Variants in LARGE1 observed in about 807,000 individuals in gnomAD.
LARGE1 encodes the protein xylosyl- and glucuronyltransferase LARGE1.
LARGE1 carries 43 observed loss-of-function variants against 87.6 expected under a neutral mutation model. The observed-to-expected ratio is 0.49, with a 90% CI of 0.38 to 0.63. The LOEUF (loss-of-function observed/expected upper bound fraction) is 0.63. LARGE1 is among the 30% of genes least tolerant of loss of function. The probability of loss-of-function intolerance (pLI) is 0.00; values close to 1 mark genes in which losing one functional copy is unlikely to be tolerated. For synonymous variants in LARGE1, 434 were observed against 394.6 expected, an observed-to-expected ratio of 1.10 and a Z score of -1.18; for missense variants, 802 against 1,000.2, an observed-to-expected ratio of 0.80 and a Z score of 2.67.
In LARGE1 at chr22:33,307,483, C is replaced by A. The variant is rs543999941; in HGVS notation, c.1452-2976G>T. Among the ~76,000 whole-genome samples the A allele has an allele frequency of 2.6e-5, 4 of 152,280 alleles. No individual in the cohort carries two copies. In the East Asian group the frequency reaches 7.7e-4, roughly 29 times the overall value. On this transcript the variant is annotated intron_variant, in intron 11 of 14. Transcript: ENST00000397394. ...TCTTCTCCCGGTGTCAATGCCTCCCCACTCTTTCCCCTCCTCAGTCCCTCT... is the reference window on the plus strand; with the variant it reads ...TCTTCTCCCGGTGTCAATGCCTCCCAACTCTTTCCCCTCCTCAGTCCCTCT...
chr22:33,874,446 C>G (rs922443321), intron 1 of LARGE1, among the ~76,000 whole-genome samples: 2 of 152,174 alleles, frequency 1.3e-5, no homozygotes, highest in African/African-American at 4.8e-5. Context: ...AACAGAAAGG[C>G]AATGTAACAC....
intron 7 of LARGE1, among the ~76,000 whole-genome samples, chr22:33,406,043 A>T (rs1262243536): frequency 7.9e-5 from 12 of 152,184 alleles, no homozygotes. Context: ...ATTCAATCCA[A>T]AGAACTTGGA....
rs933926654 is a variant in LARGE1, at chr22:33,308,297, C to T, written c.1452-3790G>A. ...GATGGGGAACTCACACCCACCAAGG[C>T]GGACCATTCTAATCTGGTGCACTGC... On this transcript the variant is annotated intron_variant, in intron 11 of 14. Transcript: ENST00000397394. 3.9e-5 allele frequency among the ~76,000 whole-genome samples: 6 copies of T among 152,106 alleles called. No individual in the cohort carries two copies. In the East Asian group the frequency reaches 7.7e-4, roughly 20 times the overall value.
chr22:33,860,114 T>C (rs2063869407), intron 1 of LARGE1, among the ~76,000 whole-genome samples: 1 of 152,106 alleles, frequency 6.6e-6, no homozygotes, highest in African/African-American at 2.4e-5. Context: ...GTCAATCTTA[T>C]GTGTATTTTA....
chr22:33,426,228 G>A (rs752386926), intron 7 of LARGE1, among the ~76,000 whole-genome samples: 72 of 152,182 alleles, frequency 4.7e-4, no homozygotes, highest in Admixed American at 6.5e-4. Context: ...TCTATTAGAC[G>A]ATAAACTTTT....
At position 33,637,745 on chromosome 22, in the gene LARGE1, T is replaced by C. The variant is rs145087255; in HGVS notation, c.409-11419A>G. Among the ~76,000 whole-genome samples the C allele has an allele frequency of 1.8e-3, 273 of 152,338 alleles. 1 individual carries two copies. The highest frequency in any genetic ancestry group is 6.2e-3 in the African/African-American group (259 of 41,582). On this transcript the variant is annotated intron_variant, in intron 3 of 14. Coordinates refer to ENST00000397394, the MANE Select transcript of LARGE1 (RefSeq NM_133642.5). ...CTTCAGCCCCAATCAAACCTTCAGA[T>C]GACTGCAACCCCTGATGTCATCTTA...
At chr22:33,665,194 T>C (rs763974313) in intron 2 of LARGE1, among the ~76,000 whole-genome samples, 2 of 152,212 alleles carry the variant, frequency 1.3e-5, no homozygotes, top group Non-Finnish European at 2.9e-5. Context: ...GGCCACAGTG[T>C]TTCTTTCACT....
rs1334527669 is a variant in LARGE1, at chr22:33,698,247, A to AT, written c.107-47580dup. 2.0e-5 allele frequency among the ~76,000 whole-genome samples: 3 copies of AT among 150,868 alleles called. No individual in the cohort carries two copies. In the South Asian group the frequency reaches 6.3e-4, roughly 32 times the overall value. ...GCCACCACGCTCGGCTAATTTTTGT[A>AT]TTTTTTTGTAGAGATGGGATTTTGA... On this transcript the variant is annotated intron_variant, in intron 2 of 14. Transcript: ENST00000397394.
At chr22:33,922,746 A>G (rs533605470), upstream of LARGE1, 1 of 152,352 alleles carries the variant, frequency 6.6e-6, no homozygotes, top group Non-Finnish European at 1.5e-5. Flanking sequence ...AGACCATTAA[A>G]GTGTCAAAGT....
At chr22:33,348,915 TTATGAA>T (rs1225522229) in intron 9 of LARGE1, among the ~76,000 whole-genome samples, 2 of 152,078 alleles carry the variant, frequency 1.3e-5, no homozygotes, top group South Asian at 2.1e-4. Flanking sequence ...GTTCTCTTGA[TTATGAA>T]TAAGTCTCAC....
intron 12 of LARGE1, among the ~76,000 whole-genome samples, chr22:33,303,717 G>T (rs527989538): frequency 2.6e-5 from 4 of 152,088 alleles, no homozygotes; most frequent in African/African-American, 4.8e-5. Context: ...CGACTCCCTG[G>T]TTCAAGAGAT....
chr22:33,226,961 C>A (rs905603500), intron 11 of LARGE1, among the ~76,000 whole-genome samples: 1 of 152,096 alleles, frequency 6.6e-6, no homozygotes, highest in Admixed American at 6.6e-5. Context: ...GATCTCCTGA[C>A]CTTGTAACCT....
chr22:33,160,371 T>C (rs1023132511), downstream of LARGE1, among the ~76,000 whole-genome samples: 9 of 152,180 alleles, frequency 5.9e-5, no homozygotes, highest in Admixed American at 1.3e-4. Flanking sequence ...AGAGAAAAAA[T>C]CAGCTAGGAG....
chr22:33,123,684 G>A, the LARGE1 span, among the ~76,000 whole-genome samples: 107 of 152,308 alleles, frequency 7.0e-4, no homozygotes, highest in African/African-American at 2.5e-3. Flanking sequence ...GGGCAGAGAG[G>A]GGCTAAACAG....
At chr22:33,602,854 A>C (rs1191952195) in intron 5 of LARGE1, among the ~76,000 whole-genome samples, 1 of 152,142 alleles carries the variant, frequency 6.6e-6, no homozygotes, top group African/African-American at 2.4e-5. Flanking sequence ...GCAGGCTCAC[A>C]GGGGACATGG....
the LARGE1 span, among the ~76,000 whole-genome samples, chr22:33,153,897 C>T: frequency 6.6e-6 from 1 of 152,014 alleles, no homozygotes; most frequent in South Asian, 2.1e-4. Context: ...ATCTCTGTTT[C>T]AAAAAACCAG....
intron 2 of LARGE1, among the ~76,000 whole-genome samples, chr22:33,690,775 C>A (rs139163516): frequency 2.0e-5 from 3 of 152,034 alleles, no homozygotes; most frequent in Non-Finnish European, 2.9e-5. Context: ...ACATTAGGGG[C>A]CCCGCTAGCT....
At chr22:33,357,982 G>T (rs559532355) in intron 9 of LARGE1, among the ~76,000 whole-genome samples, 155 of 152,006 alleles carry the variant, frequency 1.0e-3, no homozygotes, top group African/African-American at 3.5e-3. Flanking sequence ...GTGAGTTAAA[G>T]AACTCAGTGA....
intron 12 of LARGE1, among the ~76,000 whole-genome samples, chr22:33,292,543 G>C (rs1365074500): frequency 6.6e-6 from 1 of 152,182 alleles, no homozygotes; most frequent in Non-Finnish European, 1.5e-5. Context: ...AAGGATGCCA[G>C]GCTTACATGT....
Sources: allele counts gnomAD v4.1 joint callset (sites outside exome capture counted in the v4.1 genomes callset), GRCh38; gene constraint gnomAD v4.1.1; transcripts MANE v1.5; gene names NCBI Gene and HGNC (gene_info 2026-07-23, HGNC 2026-07-21).